Variants in NBPF3 observed in about 807,000 individuals in gnomAD.
NBPF3 encodes the protein NBPF member 3, also known as NBPF family member NBPF3.
NBPF3 carries 57 observed loss-of-function variants against 78.1 expected under a neutral mutation model. The observed-to-expected ratio is 0.73, with a 90% CI of 0.59 to 0.91. The LOEUF is 0.91. Ranked by LOEUF, NBPF3 falls within the 40% of genes least tolerant of loss-of-function variation. The pLI is 0.00. For synonymous variants in NBPF3, 182 were observed against 271.7 expected (o/e 0.67, Z 3.25); for missense variants, 510 against 715.3 (o/e 0.71, Z 3.27).
At position 21,445,038 on chromosome 1, in the gene NBPF3, A is replaced by T. The variant is rs1276051281; in HGVS notation, c.-49A>T. 4.4e-6 allele frequency: 7 copies of T among 1,578,408 alleles called. No homozygotes were observed. The highest frequency in any genetic ancestry group is 6.0e-6 in the Non-Finnish European group (7 of 1,160,182). ...CCAATTGTCCCTTGCCGTCCTCCTG[A>T]GGGTATCTGGAGCTTCAGTGCTGTG... On this transcript the variant is annotated 5_prime_UTR_variant, in exon 2 of 15. Coordinates refer to ENST00000318249, the MANE Select transcript of NBPF3 (RefSeq NM_032264.6).
At chr1:21,464,494 G>C (rs1436104310) in intron 2 of NBPF3, among the ~76,000 whole-genome samples, 1 of 152,054 alleles carries the variant, frequency 6.6e-6, no homozygotes, top group South Asian at 2.1e-4. Flanking sequence ...GTACAGGCAT[G>C]CTTTTTGGCA....
chr1:21,442,088 GTTGATTTGTAA>G (rs1223577909), intron 1 of NBPF3, among the ~76,000 whole-genome samples: 3 of 152,114 alleles, frequency 2.0e-5, no homozygotes, highest in Non-Finnish European at 4.4e-5. Context: ...TTGTTTTCCT[GTTGATTTGTAA>G]TACTTTATTC....
upstream of NBPF3, among the ~76,000 whole-genome samples, chr1:21,437,779 C>G (rs1268806321): frequency 2.6e-5 from 4 of 151,068 alleles, no homozygotes; most frequent in East Asian, 5.9e-4. Flanking sequence ...CTCAGCCTCC[C>G]GAGTAGCTGG....
chr1:21,449,476 T>G (rs1481668728), intron 2 of NBPF3, among the ~76,000 whole-genome samples: 2 of 151,904 alleles, frequency 1.3e-5, no homozygotes, highest in African/African-American at 4.8e-5. Flanking sequence ...ATTTATTTAT[T>G]TATTTATTTT....
chr1:21,473,319 C>T (rs1228699155), intron 6 of NBPF3, 61 bp from the exon 7 acceptor site: 1 of 1,570,228 alleles, frequency 6.4e-7, no homozygotes, highest in South Asian at 1.1e-5. Context: ...GCTAGCACTC[C>T]CTGGTGTCCA....
chr1:21,436,921 G>T, upstream of NBPF3: 1 of 387,428 alleles, frequency 2.6e-6, no homozygotes. This position sits in a 1 kb window ranked among gnomAD's most constrained non-coding sequence, Gnocchi z 4.3. Context: ...AGGAGTCTGA[G>T]CGCCCTGGGG....
chr1:21,450,367 C>A (rs1641240040), intron 2 of NBPF3, among the ~76,000 whole-genome samples: 1 of 152,198 alleles, frequency 6.6e-6, no homozygotes, highest in Non-Finnish European at 1.5e-5. Context: ...CAAGCTCCTG[C>A]CTTCTGTGGC....
chr1:21,462,025 C>T (rs1389372881), intron 2 of NBPF3, among the ~76,000 whole-genome samples: 1 of 151,866 alleles, frequency 6.6e-6, no homozygotes, highest in African/African-American at 2.4e-5. Context: ...TCTCACCTTT[C>T]CTTGCTCTCT....
chr1:21,484,759 C>T lies in NBPF3; in HGVS notation c.*1373C>T, dbSNP rs1366557563. 6 of 64,180 alleles carry T rather than the reference C, an allele frequency of 9.3e-5. 2 individuals are homozygous for T. The highest frequency in any genetic ancestry group is 2.4e-4 in the African/African-American group (6 of 24,590). 4.0% of individuals were successfully genotyped at this position (64,180 alleles called of 1,614,324 possible). On this transcript the variant is annotated 3_prime_UTR_variant, in exon 15 of 15. Coordinates refer to ENST00000318249, the MANE Select transcript of NBPF3 (RefSeq NM_032264.6). Reference sequence around the variant, plus strand: ...GTCTATTATTATATTCATATCTCTACGCTGGAAATTTGCTGCCTCAATGTT... The same window carrying T: ...GTCTATTATTATATTCATATCTCTATGCTGGAAATTTGCTGCCTCAATGTT...
chr1:21,467,518 G>C (rs1416806161), intron 2 of NBPF3, among the ~76,000 whole-genome samples: 2 of 152,102 alleles, frequency 1.3e-5, no homozygotes, highest in Non-Finnish European at 2.9e-5. Flanking sequence ...CCTTGATCTT[G>C]CCATGTTCTG....
intron 2 of NBPF3, among the ~76,000 whole-genome samples, chr1:21,455,396 C>A (rs1269764403): frequency 6.6e-6 from 1 of 152,136 alleles, no homozygotes; most frequent in Non-Finnish European, 1.5e-5. Context: ...ATTCTGTCTA[C>A]CATAATATTA....
chr1:21,471,788 G>C lies in NBPF3; in HGVS notation c.661+5G>C, dbSNP rs1642612236. On this transcript the variant is annotated splice_donor_5th_base_variant and intron_variant, in intron 5 of 14. Coordinates refer to ENST00000318249, the MANE Select transcript of NBPF3 (RefSeq NM_032264.6). ...TCGTCCAAAAGCTCAGCCCAGGTGA[G>C]GTGGCCATAGGCCCTGATGACCCAA... 22 of 1,612,470 alleles carry C rather than the reference G, an allele frequency of 1.4e-5. No individual in the cohort carries two copies. Among genetic ancestry groups the C allele is most frequent in the Non-Finnish European group, 1.9e-5 (22 of 1,179,812 alleles).
upstream of NBPF3, among the ~76,000 whole-genome samples, chr1:21,438,226 C>T (rs1292979477): frequency 6.6e-6 from 1 of 152,056 alleles, no homozygotes; most frequent in Admixed American, 6.5e-5. Flanking sequence ...AATTCTCCTG[C>T]CTCAGCCTCC....
At chr1:21,469,741 C>T (rs1642482383) in intron 3 of NBPF3, among the ~76,000 whole-genome samples, 1 of 152,038 alleles carries the variant, frequency 6.6e-6, no homozygotes, top group African/African-American at 2.4e-5. Context: ...GCAGAGAGTA[C>T]CCGGTGAGAG....
chr1:21,482,990 TC>T (rs1643302715), intron 14 of NBPF3, among the ~76,000 whole-genome samples, 152 bp from the exon 15 acceptor site: 1 of 77,390 alleles, frequency 1.3e-5, no homozygotes, highest in Non-Finnish European at 2.9e-5. Flanking sequence ...CCCTGTTCTA[TC>T]CCAACATAAA....
At chr1:21,464,349 C>T (rs1480582768) in intron 2 of NBPF3, among the ~76,000 whole-genome samples, 3 of 152,014 alleles carry the variant, frequency 2.0e-5, no homozygotes, top group Non-Finnish European at 2.9e-5. Flanking sequence ...TTCTAAGAAG[C>T]AGATAGAAAA....
At position 21,460,871 on chromosome 1, in the gene NBPF3, G is replaced by T. The variant is rs1341852364; in HGVS notation, c.134-7817G>T. Among the ~76,000 whole-genome samples the T allele has an allele frequency of 1.3e-5, 2 of 152,112 alleles. No individual in the cohort carries two copies. Among genetic ancestry groups the T allele is most frequent in the Non-Finnish European group, 2.9e-5 (2 of 68,030 alleles). On this transcript the variant is annotated intron_variant, in intron 2 of 14. Coordinates refer to ENST00000318249, the MANE Select transcript of NBPF3 (RefSeq NM_032264.6). The surrounding 1 kb of genome is among the most constrained non-coding windows in gnomAD (Gnocchi z 4.2). ...TGCTATATAATATAGCAAAAAATGT[G>T]TATATATAAATGGATGCATTCAAAA...
chr1:21,454,262 A>C (rs902326228), intron 2 of NBPF3: 1 of 152,244 alleles, frequency 6.6e-6, no homozygotes, highest in Non-Finnish European at 1.5e-5. Context: ...GTTCCTGCAC[A>C]TTAACTGATT....
chr1:21,480,603 A>G (rs1431914100), intron 11 of NBPF3, among the ~76,000 whole-genome samples: 4 of 152,304 alleles, frequency 2.6e-5, no homozygotes, highest in African/African-American at 9.6e-5. Context: ...ACAGGGCTGA[A>G]TACTGCAGTT....
Sources: gnomAD v4.1 joint callset for allele counts (sites outside exome capture counted in the v4.1 genomes callset) on GRCh38, gnomAD v4.1.1 for gene constraint, Gnocchi (gnomAD v3.1) non-coding constraint, MANE v1.5 for transcripts, NCBI Gene and HGNC (gene_info 2026-07-23, HGNC 2026-07-21) for gene names.